Variants in MAP4K3 observed in about 807,000 individuals in gnomAD.
The protein encoded by MAP4K3 is mitogen-activated protein kinase kinase kinase kinase 3, also known as MAPK/ERK kinase kinase kinase 3.
In MAP4K3, 94 loss-of-function variants were observed where a neutral mutation model predicts 143.5. The ratio of observed to expected loss-of-function variants is 0.65; its 90% CI spans 0.55 to 0.78. MAP4K3 has a LOEUF of 0.78. Among genes scored for constraint, MAP4K3 ranks in the 30% least tolerant of loss-of-function variants. The pLI is 0.00. For synonymous variants in MAP4K3, 416 were observed against 347.2 expected (o/e 1.20, Z -2.20); for missense variants, 1,077 against 1,068.1 (o/e 1.01, Z -0.12).
intron 12 of MAP4K3, chr2:39,323,225 G>GT (rs1282054751): frequency 2.0e-5 from 3 of 152,202 alleles, no homozygotes; most frequent in African/African-American, 7.2e-5. Flanking sequence ...ATAGAGATTT[G>GT]TAACAATTTA....
In MAP4K3 at chr2:39,250,146, T is replaced by C. The variant is rs1181508057; in HGVS notation, c.*472A>G. ...TTTATATTCATATTACTAAATTACA[T>C]ATAATAAAAATACAATAGTGTTAAA... is the stretch of plus-strand genomic sequence containing the variant. On this transcript the variant is annotated 3_prime_UTR_variant, in exon 34 of 34. Transcript: ENST00000263881. 6.5e-6 allele frequency: 1 copy of C among 152,678 alleles called. No individual in the cohort carries two copies. Among genetic ancestry groups the C allele is most frequent in the African/African-American group, 2.4e-5 (1 of 41,462 alleles). The allele number at this position is 152,678 out of a possible 1,614,324, so 9.5% of individuals were successfully genotyped here.
At chr2:39,262,174 T>C (rs1040333951) in intron 28 of MAP4K3, among the ~76,000 whole-genome samples, 4 of 152,340 alleles carry the variant, frequency 2.6e-5, no homozygotes, top group South Asian at 4.1e-4. Context: ...TGGCAACTCA[T>C]AAATTCTAAA....
intron 13 of MAP4K3, among the ~76,000 whole-genome samples, chr2:39,313,597 C>T (rs765801328): frequency 1.2e-4 from 18 of 152,300 alleles, no homozygotes; most frequent in Non-Finnish European, 2.4e-4. Flanking sequence ...CTGCAGCCCT[C>T]TGCCTCCCAG....
At chr2:39,395,159 A>G (rs938634312) in intron 1 of MAP4K3, among the ~76,000 whole-genome samples, 2 of 152,206 alleles carry the variant, frequency 1.3e-5, no homozygotes, top group Non-Finnish European at 2.9e-5. Context: ...AAGAAATAAC[A>G]CCAACACATA....
chr2:39,385,236 T>A (rs1390239700), intron 1 of MAP4K3, among the ~76,000 whole-genome samples: 9 of 152,162 alleles, frequency 5.9e-5, no homozygotes, highest in Non-Finnish European at 1.3e-4. Flanking sequence ...GGTAGGTATA[T>A]GTTTAACCTT....
chr2:39,315,596 A>G, intron 12 of MAP4K3: 4 of 506,108 alleles, frequency 7.9e-6, no homozygotes, highest in Non-Finnish European at 1.1e-5. Flanking sequence ...TCCACAACAT[A>G]AATTATTATT....
Position 39,253,623 on chromosome 2 carries a change from T to C in MAP4K3, c.2541+827A>G, listed in dbSNP as rs146144311. On this transcript the variant is annotated intron_variant, in intron 32 of 33. Coordinates refer to ENST00000263881, the MANE Select transcript of MAP4K3 (RefSeq NM_003618.4). ...GACCTGAAGCCTAGTGTCTCAACTC[T>C]GGAACCCAGGCTCATGAACACTGTG... 2.8e-3 allele frequency among the ~76,000 whole-genome samples: 429 copies of C among 152,358 alleles called. 6 individuals are homozygous for C. The highest frequency in any genetic ancestry group is 8.7e-3 in the African/African-American group (363 of 41,596).
chr2:39,255,087 T>C (rs1282732546), intron 31 of MAP4K3, among the ~76,000 whole-genome samples: 1 of 152,150 alleles, frequency 6.6e-6, no homozygotes, highest in Admixed American at 6.6e-5. Flanking sequence ...TATTATAAAT[T>C]TGGTATTTAT....
At chr2:39,344,777 T>A (rs1352791245) in intron 3 of MAP4K3, among the ~76,000 whole-genome samples, 1 of 151,900 alleles carries the variant, frequency 6.6e-6, no homozygotes, top group Non-Finnish European at 1.5e-5. Flanking sequence ...AAAGTAGAAA[T>A]TTACCAGGGA....
chr2:39,335,240 G>C (rs1419150389), intron 6 of MAP4K3, among the ~76,000 whole-genome samples: 1 of 152,180 alleles, frequency 6.6e-6, no homozygotes, highest in East Asian at 1.9e-4. Flanking sequence ...ATAAGCAGGA[G>C]AGTGATAAGA....
chr2:39,286,726 T>C (rs902047275), intron 21 of MAP4K3, 126 bp downstream of exon 21: 17 of 429,224 alleles, frequency 4.0e-5, no homozygotes, highest in African/African-American at 3.4e-4. Flanking sequence ...ATTAATATAC[T>C]AAAATATCAA....
intron 1 of MAP4K3, among the ~76,000 whole-genome samples, chr2:39,430,648 G>A (rs1007377585): frequency 6.6e-6 from 1 of 151,972 alleles, no homozygotes; most frequent in South Asian, 2.1e-4. Flanking sequence ...CAAAATAAAA[G>A]TCATATGTGA....
intron 1 of MAP4K3, among the ~76,000 whole-genome samples, chr2:39,411,503 G>C (rs1426160519): frequency 6.6e-6 from 1 of 152,192 alleles, no homozygotes; most frequent in Non-Finnish European, 1.5e-5. Flanking sequence ...GCCGGGTACA[G>C]GGACACAAAG....
chr2:39,304,728 G>A (rs1682636676), intron 15 of MAP4K3, among the ~76,000 whole-genome samples: 1 of 152,118 alleles, frequency 6.6e-6, no homozygotes, highest in Admixed American at 6.5e-5. Context: ...AGAATCGAAA[G>A]CAGGGACTCA....
rs1316351678 is a variant in MAP4K3 at position 39,325,828 on chromosome 2, A to C, written c.726-17T>G. ...CTATTTGACCTAAGAAATTTAGAAA[A>C]TTAGACTTTTACATTCCAATTCATT... On this transcript the variant is annotated splice_polypyrimidine_tract_variant and intron_variant, in intron 10 of 33. Transcript: ENST00000263881. 1 of 1,586,850 alleles carries C rather than the reference A, an allele frequency of 6.3e-7. No homozygotes were observed. The highest frequency in any genetic ancestry group is 1.4e-5 in the African/African-American group (1 of 73,414).
chr2:39,275,053 C>T (rs557545028), intron 24 of MAP4K3, among the ~76,000 whole-genome samples: 1 of 152,152 alleles, frequency 6.6e-6, no homozygotes, highest in Admixed American at 6.5e-5. Flanking sequence ...CTTATAGGCT[C>T]CCTCTAGGAG....
rs111301508 is a variant in MAP4K3, at chr2:39,359,285, C to A, written c.155-2946G>T. Among the ~76,000 whole-genome samples, 200 of 152,112 alleles carry A rather than the reference C, an allele frequency of 1.3e-3. 3 individuals are homozygous for A. Among genetic ancestry groups the A allele is most frequent in the African/African-American group, 4.7e-3 (194 of 41,540 alleles). On this transcript the variant is annotated intron_variant, in intron 2 of 33. Coordinates refer to ENST00000263881, the MANE Select transcript of MAP4K3 (RefSeq NM_003618.4). ...ACTACCAACAGGGTAGTCATTAAAT[C>A]TTAAAGTTCCAAAATGACCTCTTTT... is the stretch of plus-strand genomic sequence containing the variant.
intron 24 of MAP4K3, among the ~76,000 whole-genome samples, chr2:39,273,905 C>T (rs2148457041): frequency 6.6e-6 from 1 of 152,258 alleles, no homozygotes; most frequent in South Asian, 2.1e-4. Flanking sequence ...AGAGAAGGGG[C>T]AATGACTTAT....
intron 8 of MAP4K3, among the ~76,000 whole-genome samples, chr2:39,329,879 C>A (rs2148519620): frequency 6.6e-6 from 1 of 152,296 alleles, no homozygotes; most frequent in Middle Eastern, 3.4e-3. Flanking sequence ...TAGTGCCATG[C>A]TCTTCAAAGT....
Sources: allele counts gnomAD v4.1 joint callset (sites outside exome capture counted in the v4.1 genomes callset), GRCh38; gene constraint gnomAD v4.1.1; transcripts MANE v1.5; gene names NCBI Gene and HGNC (gene_info 2026-07-23, HGNC 2026-07-21).